Variants in FAM227B observed in about 807,000 individuals in gnomAD.
FAM227B encodes the protein family with sequence similarity 227 member B, also known as protein FAM227B.
In FAM227B, 88 loss-of-function variants were observed where a neutral mutation model predicts 73.8. The ratio of observed to expected loss-of-function variants is 1.19; its 90% CI spans 1.00 to 1.42. The LOEUF (loss-of-function observed/expected upper bound fraction) is 1.42, where lower values mean the gene tolerates loss of function less well. FAM227B is among the 40% of genes most tolerant of loss of function. The pLI is 0.00. For missense variants in FAM227B, 632 were observed against 590.9 expected, an observed-to-expected ratio of 1.07 and a Z score of -0.72; for synonymous variants, 210 against 190.5, an observed-to-expected ratio of 1.10 and a Z score of -0.84.
intron 9 of FAM227B, among the ~76,000 whole-genome samples, 166 bp downstream of exon 9, chr15:49,568,079 A>AG (rs2046132325): frequency 6.6e-6 from 1 of 151,996 alleles, no homozygotes; most frequent in South Asian, 2.1e-4. Flanking sequence ...CAATATTTTG[A>AG]GGGGTTAATA....
At chr15:49,547,349 G>C (rs568757695) in intron 9 of FAM227B, among the ~76,000 whole-genome samples, 38 of 149,992 alleles carry the variant, frequency 2.5e-4, no homozygotes, top group African/African-American at 8.6e-4. Context: ...AGACCATCAA[G>C]GCTAGGAAGA....
Position 49,589,767 on chromosome 15 carries a change from A to C in FAM227B, c.337+9T>G. 6.7e-7 allele frequency: 1 copy of C among 1,491,582 alleles called. No individual in the cohort carries two copies. Among genetic ancestry groups the C allele is most frequent in the Non-Finnish European group, 9.3e-7 (1 of 1,074,788 alleles). 92.4% of individuals were successfully genotyped at this position (1,491,582 alleles called of 1,614,324 possible). ...ATTTCTATAAAAGATAAAAATAAAT[A>C]AGGCTCACTTGTCTCAGAAATCATG... is the stretch of plus-strand genomic sequence containing the variant. On this transcript the variant is annotated intron_variant, in intron 4 of 15. Coordinates refer to ENST00000299338, the MANE Select transcript of FAM227B (RefSeq NM_152647.3).
chr15:49,416,868 C>T (rs748401914), intron 11 of FAM227B, among the ~76,000 whole-genome samples: 1 of 151,834 alleles, frequency 6.6e-6, no homozygotes, highest in African/African-American at 2.4e-5. Context: ...AATTATAAAA[C>T]ATTGCTCAAA....
chr15:49,533,173 T>C (rs2060744238), intron 10 of FAM227B, among the ~76,000 whole-genome samples: 1 of 151,972 alleles, frequency 6.6e-6, no homozygotes, highest in Non-Finnish European at 1.5e-5. Flanking sequence ...AGTTTCTATA[T>C]ATTTATAAAT....
chr15:49,549,808 AT>A (rs2072538191), intron 9 of FAM227B, among the ~76,000 whole-genome samples: 1 of 152,192 alleles, frequency 6.6e-6, no homozygotes, highest in African/African-American at 2.4e-5. Flanking sequence ...CATTGTCATC[AT>A]GGCCCGCTCT....
rs745520773 is a variant in FAM227B, at chr15:49,477,060, GA to G, written c.1012+31150del. ...GGGCGACAAAGCGAGACTCTGTCTC[GA>G]AAAAAAAAAAAAAATTGAGCAGATA... On this transcript the variant is annotated intron_variant, in intron 11 of 15. Coordinates refer to ENST00000299338, the MANE Select transcript of FAM227B (RefSeq NM_152647.3). Among the ~76,000 whole-genome samples the G allele has an allele frequency of 9.4e-4, 123 of 130,516 alleles. 1 individual carries two copies. Among genetic ancestry groups the G allele is most frequent in the Middle Eastern group, 4.0e-3 (1 of 248 alleles). 85.6% of individuals were successfully genotyped at this position (130,516 alleles called of 152,430 possible). A position where few individuals can be genotyped will look rare whatever the true frequency, so the allele number is the denominator to read the frequency against.
chr15:49,435,007 T>C (rs528911209), intron 11 of FAM227B, among the ~76,000 whole-genome samples: 4 of 151,736 alleles, frequency 2.6e-5, no homozygotes, highest in African/African-American at 9.6e-5. Context: ...GTATGTTGTG[T>C]GTATTTTACA....
intron 10 of FAM227B, among the ~76,000 whole-genome samples, chr15:49,521,876 C>A (rs1327485679): frequency 6.6e-6 from 1 of 152,144 alleles, no homozygotes; most frequent in Non-Finnish European, 1.5e-5. Flanking sequence ...TTTCTCCACC[C>A]CAGACCTCAG....
intron 13 of FAM227B, among the ~76,000 whole-genome samples, chr15:49,349,933 G>C (rs1655033945): frequency 6.6e-6 from 1 of 152,108 alleles, no homozygotes; most frequent in Admixed American, 6.5e-5. Flanking sequence ...AACAAAATGA[G>C]AGGGAGAATT....
At chr15:49,489,991 G>C (rs1418864585) in intron 11 of FAM227B, among the ~76,000 whole-genome samples, 1 of 147,026 alleles carries the variant, frequency 6.8e-6, no homozygotes, top group African/African-American at 2.5e-5. Context: ...GTATATGACA[G>C]GTGGCCCATG....
intron 13 of FAM227B, among the ~76,000 whole-genome samples, chr15:49,348,565 T>C (rs2041847456): frequency 6.6e-6 from 1 of 152,194 alleles, no homozygotes; most frequent in Non-Finnish European, 1.5e-5. Flanking sequence ...CCTCACAGAA[T>C]CACTCGGAGC....
intron 10 of FAM227B, among the ~76,000 whole-genome samples, chr15:49,532,052 A>G (rs1331640606): frequency 2.0e-5 from 3 of 149,168 alleles, no homozygotes; most frequent in African/African-American, 7.3e-5. Flanking sequence ...TTAAGGGAAT[A>G]TCTATATATA....
intron 11 of FAM227B, chr15:49,483,309 A>G: frequency 1.2e-6 from 1 of 865,456 alleles, no homozygotes; most frequent in African/African-American, 1.7e-5. Context: ...TTGTCAAAAT[A>G]TCTCACCTTT....
At chr15:49,460,852 TTTGA>T (rs745631460) in intron 11 of FAM227B, among the ~76,000 whole-genome samples, 12 of 152,194 alleles carry the variant, frequency 7.9e-5, no homozygotes, top group Non-Finnish European at 1.0e-4. Context: ...ACATTGTTTG[TTTGA>T]TTATGTTTTG....
At chr15:49,396,110 A>G (rs1277908517) in intron 11 of FAM227B, 2 of 406,552 alleles carry the variant, frequency 4.9e-6, no homozygotes, top group Non-Finnish European at 9.7e-6. Flanking sequence ...AGGGAGTGCC[A>G]GACAGTGGGC....
chr15:49,459,590 T>C (rs1375538270), intron 11 of FAM227B, among the ~76,000 whole-genome samples: 1 of 152,220 alleles, frequency 6.6e-6, no homozygotes, highest in South Asian at 2.1e-4. Flanking sequence ...ATCTCTTCAA[T>C]ATTTTGCAAA....
chr15:49,508,945 T>TG (rs1310666809), intron 10 of FAM227B, among the ~76,000 whole-genome samples: 1 of 152,126 alleles, frequency 6.6e-6, no homozygotes, highest in Non-Finnish European at 1.5e-5. Context: ...AGTAGGGGGA[T>TG]GTCATGCCAC....
chr15:49,549,163 T>C (rs1267487882), intron 9 of FAM227B, among the ~76,000 whole-genome samples: 1 of 152,158 alleles, frequency 6.6e-6, no homozygotes, highest in African/African-American at 2.4e-5. Flanking sequence ...CTCTTAGTAC[T>C]GCTTTCACCC....
In FAM227B at chr15:49,327,359, C is replaced by T. The variant is rs2037683981; in HGVS notation, c.*1209G>A. ...ATTTTCCATTAGAGATTCAACCAAC[C>T]ACCGACCCAACCTGGAGTTTAATAA... On this transcript the variant is annotated 3_prime_UTR_variant, in exon 16 of 16. Transcript: ENST00000299338. 1 of 152,212 alleles carries T rather than the reference C, an allele frequency of 6.6e-6. No homozygotes were observed. The highest frequency in any genetic ancestry group is 1.5e-5 in the Non-Finnish European group (1 of 68,052). The allele number at this position is 152,212 out of a possible 1,614,324, so 9.4% of individuals were successfully genotyped here. A position where few individuals can be genotyped will look rare whatever the true frequency, so the allele number is the denominator to read the frequency against.
Sources: allele counts gnomAD v4.1 joint callset (sites outside exome capture counted in the v4.1 genomes callset), GRCh38; gene constraint gnomAD v4.1.1; transcripts MANE v1.5; gene names NCBI Gene and HGNC (gene_info 2026-07-23, HGNC 2026-07-21).